ANKFN1: variants seen among roughly 807,000 people sequenced by gnomAD.
ANKFN1 encodes ankyrin repeat and fibronectin type-III domain-containing protein 1.
In ANKFN1, 74 loss-of-function variants were observed where a neutral mutation model predicts 108.7. That is an observed-to-expected ratio of 0.68 (90% CI 0.56 to 0.83). The LOEUF (loss-of-function observed/expected upper bound fraction) is 0.83. Among genes scored for constraint, ANKFN1 ranks in the 40% least tolerant of loss-of-function variants. The pLI is 0.00. For synonymous variants in ANKFN1, 547 were observed against 516.2 expected (o/e 1.06, Z -0.81); for missense variants, 1,505 against 1,382.3 (o/e 1.09, Z -1.41).
chr17:56,092,266 A>ATTTTTTTTTTTTTTTTTTTTTTTT (rs748898792), intron 4 of ANKFN1, among the ~76,000 whole-genome samples: 2 of 111,380 alleles, frequency 1.8e-5, no homozygotes, highest in African/African-American at 8.0e-5. Flanking sequence ...GTGAGGTAGT[A>ATTTTTTTTTTTTTTTTTTTTTTTT]TTTTTTTTTT....
intron 3 of ANKFN1, among the ~76,000 whole-genome samples, chr17:56,287,729 T>G (rs1443881156): frequency 6.6e-6 from 1 of 152,218 alleles, no homozygotes; most frequent in Non-Finnish European, 1.5e-5. Flanking sequence ...TTTCATAAGT[T>G]TGTAAATGAA....
intron 6 of ANKFN1, among the ~76,000 whole-genome samples, chr17:56,360,103 A>G (rs1170631296): frequency 1.3e-5 from 2 of 152,200 alleles, no homozygotes; most frequent in African/African-American, 4.8e-5. Context: ...GTAAAGAACA[A>G]GCCTTAGACA....
At chr17:56,436,487 A>G (rs2048933237) in intron 8 of ANKFN1, among the ~76,000 whole-genome samples, 1 of 152,170 alleles carries the variant, frequency 6.6e-6, no homozygotes, top group Non-Finnish European at 1.5e-5. Context: ...AACTACCTAT[A>G]TACAACTTTC....
In ANKFN1 at chr17:56,212,606, G is replaced by A. The variant is rs1314686396; in HGVS notation, c.-62G>A. Among the ~76,000 whole-genome samples, 6 of 152,162 alleles carry A rather than the reference G, an allele frequency of 3.9e-5. No homozygotes were observed. The highest frequency in any genetic ancestry group is 7.4e-5 in the Non-Finnish European group (5 of 68,026). Reference sequence around the variant, plus strand: ...TCTCTCTTTTGGAATAGTGCCAATAGGATAAGAAATAAGCTGTATGAAGAA... The same window carrying A: ...TCTCTCTTTTGGAATAGTGCCAATAAGATAAGAAATAAGCTGTATGAAGAA... On this transcript the variant is annotated 5_prime_UTR_variant, in exon 2 of 21. It removes the in-frame stop codon of an upstream open reading frame in the 5' UTR. Coordinates refer to ENST00000682825, the MANE Select transcript of ANKFN1 (RefSeq NM_001370326.1).
chr17:56,305,732 G>A (rs1015076677), intron 3 of ANKFN1, among the ~76,000 whole-genome samples: 4 of 152,088 alleles, frequency 2.6e-5, no homozygotes, highest in East Asian at 1.9e-4. Context: ...AGACCCTGAA[G>A]ATATTTTTCT....
chr17:56,324,768 T>C lies in ANKFN1; in HGVS notation c.54-1453T>C, dbSNP rs546687216. On this transcript the variant is annotated intron_variant, in intron 3 of 20. Coordinates refer to ENST00000682825, the MANE Select transcript of ANKFN1 (RefSeq NM_001370326.1). ...AAATAAATCCAAGGATAGAAAGTGATAGTAAATGTTCGAAGGAGAGATTTT... is the reference window on the plus strand; with the variant it reads ...AAATAAATCCAAGGATAGAAAGTGACAGTAAATGTTCGAAGGAGAGATTTT... Among the ~76,000 whole-genome samples the C allele has an allele frequency of 2.2e-4, 34 of 152,342 alleles. No individual in the cohort carries two copies. The South Asian group carries it at 7.0e-3, about 32-fold the overall frequency.
rs184735955 is a variant in ANKFN1 at position 56,092,399 on chromosome 17, C to T, written c.288+46074C>T. Among the ~76,000 whole-genome samples the T allele has an allele frequency of 1.2e-3, 175 of 149,660 alleles. 5 individuals carry two copies. Among genetic ancestry groups the T allele is most frequent in the African/African-American group, 4.1e-3 (168 of 40,772 alleles). On this transcript the variant is annotated intron_variant, in intron 4 of 12. Coordinates refer to the ANKFN1 transcript ENST00000635860. ...AGGTGATTCTCCTGCCTCAGCCTCC[C>T]GAGTAGCTGGGACTACAGGCACCCC...
chr17:56,475,187 C>T (rs748962128), intron 15 of ANKFN1, among the ~76,000 whole-genome samples: 4 of 152,064 alleles, frequency 2.6e-5, no homozygotes, highest in South Asian at 4.1e-4. Flanking sequence ...GAAAATAACA[C>T]GAAAGAAAAA....
chr17:56,481,164 A>C (rs183978497), intron 17 of ANKFN1, among the ~76,000 whole-genome samples: 1 of 152,206 alleles, frequency 6.6e-6, no homozygotes, highest in African/African-American at 2.4e-5. Flanking sequence ...CATAAAGCAA[A>C]GAGAACATAT....
intron 10 of ANKFN1, among the ~76,000 whole-genome samples, chr17:56,446,762 G>A (rs183518505): frequency 2.0e-3 from 297 of 152,084 alleles, no homozygotes; most frequent in Middle Eastern, 3.4e-3. Context: ...AAATTAGCCA[G>A]GTGTGGTGGC....
chr17:56,436,998 G>A (rs2048952152), intron 8 of ANKFN1, among the ~76,000 whole-genome samples: 1 of 152,170 alleles, frequency 6.6e-6, no homozygotes, highest in Non-Finnish European at 1.5e-5. Flanking sequence ...GAGGGAAAAA[G>A]ACTGTTGGTT....
intron 4 of ANKFN1, among the ~76,000 whole-genome samples, chr17:56,051,477 A>C (rs1368346729): frequency 1.6e-5 from 2 of 127,028 alleles, no homozygotes; most frequent in Non-Finnish European, 3.3e-5. Context: ...GAATGGGCAA[A>C]AACTGGAAGC....
intron 20 of ANKFN1, among the ~76,000 whole-genome samples, chr17:56,502,829 G>A (rs1427968671): frequency 6.6e-6 from 1 of 152,200 alleles, no homozygotes; most frequent in Admixed American, 6.5e-5. Flanking sequence ...TCTGATGCCA[G>A]CCCAAGATTC....
At chr17:56,233,517 C>T (rs1327817880) in intron 3 of ANKFN1, among the ~76,000 whole-genome samples, 2 of 151,994 alleles carry the variant, frequency 1.3e-5, no homozygotes, top group Non-Finnish European at 2.9e-5. Context: ...ACCTTTCTGT[C>T]TGTGCTTTAT....
intron 3 of ANKFN1, among the ~76,000 whole-genome samples, chr17:56,260,442 T>A (rs950409396): frequency 1.3e-5 from 2 of 152,078 alleles, no homozygotes; most frequent in African/African-American, 4.8e-5. Context: ...GCTGATTCAC[T>A]TTGCACCGCC....
At chr17:56,103,721 C>G (rs79534994) in intron 4 of ANKFN1, among the ~76,000 whole-genome samples, 1,654 of 152,280 alleles carry the variant, frequency 0.011, 25 homozygotes, top group African/African-American at 0.037. Flanking sequence ...CCCAGAGTTC[C>G]CAGTCTGTAG....
At chr17:56,107,970 C>T (rs1007963538) in intron 4 of ANKFN1, among the ~76,000 whole-genome samples, 3 of 151,872 alleles carry the variant, frequency 2.0e-5, no homozygotes, top group African/African-American at 7.3e-5. Flanking sequence ...CAAGTGATTC[C>T]CCTGTCTCAG....
intron 4 of ANKFN1, among the ~76,000 whole-genome samples, chr17:56,139,161 T>G (rs1450670702): frequency 1.3e-5 from 2 of 152,206 alleles, no homozygotes. Context: ...ATTAAAATCC[T>G]TGACAAAATT....
At chr17:56,267,722 C>G (rs907416456) in intron 3 of ANKFN1, among the ~76,000 whole-genome samples, 1 of 152,110 alleles carries the variant, frequency 6.6e-6, no homozygotes, top group African/African-American at 2.4e-5. Context: ...AGCTTTATTT[C>G]TGGGTTTTCC....
Sources: gnomAD v4.1 joint callset for allele counts (sites outside exome capture counted in the v4.1 genomes callset) on GRCh38, gnomAD v4.1.1 for gene constraint, MANE v1.5 for transcripts, NCBI Gene and HGNC (gene_info 2026-07-23, HGNC 2026-07-21) for gene names.